EFNB1: variants seen among roughly 807,000 people sequenced by gnomAD.
The protein encoded by EFNB1 is ephrin-B1.
In EFNB1, 1 loss-of-function variant was observed where a neutral mutation model predicts 18.1. The ratio of observed to expected loss-of-function variants is 0.06; its 90% CI spans 0.02 to 0.26. The LOEUF is 0.26. EFNB1 is among the 10% of genes least tolerant of loss of function. EFNB1 has a pLI of 1.00. For synonymous variants in EFNB1, 131 were observed against 127.5 expected, an observed-to-expected ratio of 1.03 and a Z score of -0.19; for missense variants, 221 against 301.8, an observed-to-expected ratio of 0.73 and a Z score of 1.98.
chrX:68,831,433 T>C (rs1295884229), intron 1 of EFNB1, among the ~76,000 whole-genome samples: 1 of 111,657 alleles, frequency 9.0e-6, no homozygotes, highest in Admixed American at 9.4e-5. Flanking sequence ...CCAAACGGGG[T>C]ACAACACTCT....
intron 1 of EFNB1, among the ~76,000 whole-genome samples, chrX:68,835,109 G>A (rs1317199664): frequency 1.8e-5 from 2 of 111,445 alleles, no homozygotes; most frequent in African/African-American, 6.5e-5. Context: ...AAAGGCTGAA[G>A]GTAGAACTTG....
intron 1 of EFNB1, among the ~76,000 whole-genome samples, chrX:68,831,021 G>A (rs1349875978): frequency 9.0e-6 from 1 of 111,093 alleles, no homozygotes; most frequent in Non-Finnish European, 1.9e-5. Context: ...TGGAACCAAG[G>A]GTCAAAATTG....
rs1470747246 is a variant in EFNB1 at position 68,829,776 on chromosome X, G to A, written c.-1G>A. ...CCGAAGTGCAGTCTGCCCCCGGGAA[G>A]ATGGCTCGGCCTGGGCAGCGTTGGC... On this transcript the variant is annotated 5_prime_UTR_variant, in exon 1 of 5. Coordinates refer to ENST00000204961, the MANE Select transcript of EFNB1 (RefSeq NM_004429.5). The A allele has an allele frequency of 2.5e-6, 3 of 1,190,471 alleles. No homozygotes were observed. Among genetic ancestry groups the A allele is most frequent in the Non-Finnish European group, 3.4e-6 (3 of 885,074 alleles).
Position 68,840,595 on chromosome X carries a change from G to A in EFNB1, c.982G>A (p.Val328Ile). Residue 328 changes from valine (V) to isoleucine (I), a missense_variant, in exon 5 of 5, where the codon GTC becomes ATC. Physicochemically the swap from Val to Ile is conservative, Grantham distance 29. Coordinates refer to ENST00000204961, the MANE Select transcript of EFNB1 (RefSeq NM_004429.5). ...EKVSGDYGHP[V>I]YIVQEMPPQS... is the part of the protein sequence containing the mutation. ...GGTGAGTGGGGACTACGGGCACCCT[G>A]TCTACATCGTCCAAGAGATGCCGCC... 3.3e-6 allele frequency: 4 copies of A among 1,210,810 alleles called. No homozygotes were observed. Among genetic ancestry groups the A allele is most frequent in the Non-Finnish European group, 3.4e-6 (3 of 895,135 alleles).
Position 68,840,822 on chromosome X carries a change from G to C in EFNB1, c.*168G>C, listed in dbSNP as rs183063780. ...TTCCCTGCCCCCTGGGCTTCGGAGG[G>C]GGGTGCTTGTGCCCCTAACCCCCAT... On this transcript the variant is annotated 3_prime_UTR_variant, in exon 5 of 5. Coordinates refer to ENST00000204961, the MANE Select transcript of EFNB1 (RefSeq NM_004429.5). 5.4e-3 allele frequency: 3,163 copies of C among 583,377 alleles called. 15 individuals carry two copies. Among genetic ancestry groups the C allele is most frequent in the Non-Finnish European group, 6.6e-3 (2,428 of 369,712 alleles). 48.1% of individuals were successfully genotyped at this position (583,377 alleles called of 1,213,427 possible).
chrX:68,831,154 G>T (rs1199611638), intron 1 of EFNB1, among the ~76,000 whole-genome samples: 1 of 111,019 alleles, frequency 9.0e-6, no homozygotes, highest in Non-Finnish European at 1.9e-5. Context: ...ATTTCTTCCT[G>T]TCCACTCTTG....
chrX:68,831,294 G>A (rs1354311359), intron 1 of EFNB1, among the ~76,000 whole-genome samples: 1 of 110,481 alleles, frequency 9.1e-6, no homozygotes, highest in Non-Finnish European at 1.9e-5. Context: ...GGCAGCTTTA[G>A]TTTTCTTCTC....
intron 3 of EFNB1, 95 bp downstream of exon 3, chrX:68,839,851 G>A (rs2099793747): frequency 2.5e-6 from 3 of 1,176,644 alleles, no homozygotes; most frequent in Non-Finnish European, 2.3e-6. Context: ...GAGTGGGGGA[G>A]CAGGCGTAGG....
chrX:68,839,023 C>A, intron 2 of EFNB1, 129 bp downstream of exon 2: 2 of 896,376 alleles, frequency 2.2e-6, no homozygotes, highest in Non-Finnish European at 3.1e-6. Flanking sequence ...ATCTGATCCC[C>A]TTTGAAGACT....
At chrX:68,838,131 ATGTGTGTGTGTGTG>A (rs1193927663) in intron 1 of EFNB1, among the ~76,000 whole-genome samples, 1 of 55,545 alleles carries the variant, frequency 1.8e-5, no homozygotes, top group African/African-American at 7.5e-5. Flanking sequence ...GTGTGTGTGT[ATGTGTGTGTGTGTG>A]TGTGTGTGTG....
rs202119167 is a variant in EFNB1, at chrX:68,838,131, A to G, written c.129-486A>G. Among the ~76,000 whole-genome samples the G allele has an allele frequency of 3.3e-3, 184 of 55,481 alleles. 1 individual carries two copies. The highest frequency in any genetic ancestry group is 0.023 in the South Asian group (17 of 728). 48.2% of individuals were successfully genotyped at this position (55,481 alleles called of 115,157 possible). ...GTGTGGGCTTGCTGTGTGTGTGTGT[A>G]TGTGTGTGTGTGTGTGTGTGTGTGT... is the stretch of plus-strand genomic sequence containing the variant. On this transcript the variant is annotated intron_variant, in intron 1 of 4. Coordinates refer to ENST00000204961, the MANE Select transcript of EFNB1 (RefSeq NM_004429.5).
At chrX:68,832,919 C>T (rs965140678) in intron 1 of EFNB1, among the ~76,000 whole-genome samples, 3 of 110,087 alleles carry the variant, frequency 2.7e-5, no homozygotes, top group Non-Finnish European at 5.7e-5. Context: ...TTGGGGCAGC[C>T]GGCAGGCCTC....
At chrX:68,834,253 C>T (rs1366294138) in intron 1 of EFNB1, among the ~76,000 whole-genome samples, 1 of 112,733 alleles carries the variant, frequency 8.9e-6, no homozygotes, top group African/African-American at 3.2e-5. Flanking sequence ...ACACTCCCTG[C>T]GGAGCTCTGA....
At chrX:68,830,843 C>A (rs1368529744) in intron 1 of EFNB1, among the ~76,000 whole-genome samples, 1 of 112,060 alleles carries the variant, frequency 8.9e-6, no homozygotes, top group Non-Finnish European at 1.9e-5. Flanking sequence ...TTTCTTTCTT[C>A]TCCTTCCTCT....
intron 2 of EFNB1, 69 bp from the exon 3 acceptor site, chrX:68,839,595 T>G: frequency 9.5e-7 from 1 of 1,056,114 alleles, no homozygotes; most frequent in Non-Finnish European, 1.3e-6. Context: ...AGAATGGGAG[T>G]TTCTGGGTAA....
intron 1 of EFNB1, among the ~76,000 whole-genome samples, chrX:68,837,341 A>G (rs1488795175): frequency 9.0e-6 from 1 of 111,467 alleles, no homozygotes; most frequent in African/African-American, 3.3e-5. Flanking sequence ...ATTGTGTGCT[A>G]GGTGTTCTCC....
At position 68,829,404 on chromosome X, in the gene EFNB1, T is replaced by C. The variant is rs1474949869; in HGVS notation, c.-373T>C. Reference sequence around the variant, plus strand: ...AGGCGTCGGGGCGGTCACCGAGACCTCTGCGGGAAGACCCCGTCGGGGAGA... The same window carrying C: ...AGGCGTCGGGGCGGTCACCGAGACCCCTGCGGGAAGACCCCGTCGGGGAGA... On this transcript the variant is annotated 5_prime_UTR_variant, in exon 1 of 5. Coordinates refer to ENST00000204961, the MANE Select transcript of EFNB1 (RefSeq NM_004429.5). The C allele has an allele frequency of 1.3e-5, 3 of 229,205 alleles. No individual in the cohort carries two copies. The highest frequency in any genetic ancestry group is 3.1e-5 in the African/African-American group (1 of 32,362). The allele number at this position is 229,205 out of a possible 1,213,427, so 18.9% of individuals were successfully genotyped here.
At chrX:68,836,481 T>G (rs2080460994) in intron 1 of EFNB1, among the ~76,000 whole-genome samples, 1 of 112,121 alleles carries the variant, frequency 8.9e-6, no homozygotes, top group African/African-American at 3.2e-5. Flanking sequence ...TGGTGGAGCC[T>G]CACTCGACAT....
rs1236422765 is a variant in EFNB1, at chrX:68,840,301, C to G, written c.688C>G (p.Pro230Ala). Residue 230 changes from proline (P) to alanine (A), a missense_variant, in exon 5 of 5, where the codon CCT becomes GCT. Physicochemically the swap from Pro to Ala is conservative, Grantham distance 27. Coordinates refer to ENST00000204961, the MANE Select transcript of EFNB1 (RefSeq NM_004429.5). ...PGASGGSSGD[P>A]DGFFNSKVAL... is the part of the protein sequence containing the mutation. Reference sequence around the variant, plus strand: ...TGCAAGTGGGGGCAGCAGCGGGGACCCTGATGGCTTCTTCAACTCCAAGGT... The same window carrying G: ...TGCAAGTGGGGGCAGCAGCGGGGACGCTGATGGCTTCTTCAACTCCAAGGT... The G allele has an allele frequency of 8.3e-7, 1 of 1,211,863 alleles. No homozygotes were observed. Among genetic ancestry groups the G allele is most frequent in the African/African-American group, 1.7e-5 (1 of 57,832 alleles).
Sources: gnomAD v4.1 joint callset for allele counts (sites outside exome capture counted in the v4.1 genomes callset) on GRCh38, gnomAD v4.1.1 for gene constraint, MANE v1.5 for transcripts, NCBI Gene and HGNC (gene_info 2026-07-23, HGNC 2026-07-21) for gene names.